The following PTPRG variants were observed in gnomAD, a reference collection of about 807,000 sequenced individuals.
PTPRG encodes the protein protein tyrosine phosphatase receptor type G.
PTPRG carries 102 observed loss-of-function variants against 165.3 expected under a neutral mutation model. That is an observed-to-expected ratio of 0.62 (90% CI 0.53 to 0.73). The LOEUF is 0.73. Ranked by LOEUF, PTPRG falls within the 30% of genes least tolerant of loss-of-function variation. The probability of loss-of-function intolerance (pLI) is 0.00; values close to 1 mark genes in which losing one functional copy is unlikely to be tolerated. For missense variants in PTPRG, 1,866 were observed against 1,861.4 expected, an observed-to-expected ratio of 1.00 and a Z score of -0.05; for synonymous variants, 675 against 669.5, an observed-to-expected ratio of 1.01 and a Z score of -0.13.
At chr3:61,802,268 C>T (rs2035273934) in intron 2 of PTPRG, among the ~76,000 whole-genome samples, 1 of 151,974 alleles carries the variant, frequency 6.6e-6, no homozygotes, top group East Asian at 1.9e-4. Context: ...TAAAAATCAC[C>T]AGTTCATGAT....
rs1474570485 is a variant in PTPRG, at chr3:62,217,714, C to T, written c.2156-1137C>T. 1 of 152,442 alleles carries T rather than the reference C, an allele frequency of 6.6e-6. No individual in the cohort carries two copies. Among genetic ancestry groups the T allele is most frequent in the Non-Finnish European group, 1.5e-5 (1 of 68,298 alleles). The allele number at this position is 152,442 out of a possible 1,614,324, so 9.4% of individuals were successfully genotyped here. ...TTGCCTCTGTGCACCTGTGCTCTTC[C>T]CAGCCCCAGCACCCCAACCAGGGCT... is the stretch of plus-strand genomic sequence containing the variant. On this transcript the variant is annotated intron_variant, in intron 12 of 29. Coordinates refer to ENST00000474889, the MANE Select transcript of PTPRG (RefSeq NM_002841.4). The surrounding 1 kb of genome is among the most constrained non-coding windows in gnomAD (Gnocchi z 4.3).
At chr3:61,995,667 C>G (rs2041017433) in intron 3 of PTPRG, among the ~76,000 whole-genome samples, 1 of 124,112 alleles carries the variant, frequency 8.1e-6, no homozygotes, top group East Asian at 2.2e-4. Flanking sequence ...AGGCTTTCCG[C>G]CTGCCTGCCC....
chr3:62,128,089 A>C (rs1703381843), intron 5 of PTPRG, among the ~76,000 whole-genome samples: 1 of 152,210 alleles, frequency 6.6e-6, no homozygotes, highest in South Asian at 2.1e-4. Context: ...ATCTAAAGAC[A>C]ACTGAAAAGC....
chr3:61,775,038 T>C (rs1208623333), intron 2 of PTPRG, among the ~76,000 whole-genome samples: 1 of 152,150 alleles, frequency 6.6e-6, no homozygotes, highest in African/African-American at 2.4e-5. Context: ...GACTCGTATG[T>C]GATGGTGTGT....
intron 2 of PTPRG, among the ~76,000 whole-genome samples, chr3:61,821,514 C>T (rs1040097521): frequency 5.9e-5 from 9 of 152,166 alleles, no homozygotes; most frequent in South Asian, 2.1e-4. Context: ...ACAGTTTTTA[C>T]ATTTCTTAAT....
At chr3:62,023,022 T>C (rs2041733157) in intron 4 of PTPRG, among the ~76,000 whole-genome samples, 1 of 152,054 alleles carries the variant, frequency 6.6e-6, no homozygotes, top group Admixed American at 6.6e-5. Flanking sequence ...ATTAAGAAAA[T>C]ACATCACCAA....
At chr3:61,799,875 T>A (rs2035180660) in intron 2 of PTPRG, among the ~76,000 whole-genome samples, 1 of 152,188 alleles carries the variant, frequency 6.6e-6, no homozygotes, top group Non-Finnish European at 1.5e-5. Flanking sequence ...TGTATTTATT[T>A]TATTGTTCAA....
chr3:61,807,944 C>A (rs17065421), intron 2 of PTPRG, among the ~76,000 whole-genome samples: 25,093 of 152,148 alleles, frequency 0.16, 2,748 homozygotes, highest in South Asian at 0.31. Flanking sequence ...CAAAGGCTCG[C>A]AGACCGGGGC....
At chr3:61,980,009 A>G (rs1347143044) in intron 2 of PTPRG, among the ~76,000 whole-genome samples, 2 of 151,852 alleles carry the variant, frequency 1.3e-5, no homozygotes, top group African/African-American at 4.8e-5. Flanking sequence ...CAAACTCCCA[A>G]ATTCTGTCTC....
chr3:62,058,040 G>A (rs1435237675), intron 4 of PTPRG, among the ~76,000 whole-genome samples: 5 of 152,206 alleles, frequency 3.3e-5, no homozygotes, highest in African/African-American at 1.2e-4. Context: ...ACAATGCTTT[G>A]AATAAAACTA....
chr3:62,276,087 G>A, intron 24 of PTPRG, 121 bp downstream of exon 24: 2 of 601,260 alleles, frequency 3.3e-6, no homozygotes, highest in South Asian at 6.9e-5. Context: ...GTGGCCGTAT[G>A]GTAGAAGGTT....
At position 62,195,120 on chromosome 3, in the gene PTPRG, T is replaced by C. The variant is rs1232394839; in HGVS notation, c.1277T>C (p.Val426Ala). 1 of 1,614,110 alleles carries C rather than the reference T, an allele frequency of 6.2e-7. No homozygotes were observed. Among genetic ancestry groups the C allele is most frequent in the African/African-American group, 1.3e-5 (1 of 74,950 alleles). Reference protein sequence around the residue: ...DSLYLFRVQAVCRNDMRSDFS... With the variant: ...DSLYLFRVQAACRNDMRSDFS... ...CTTTACCTGTTCCGAGTCCAGGCCG[T>C]GTGTCGGAACGACATGCGCAGCGAC... Residue 426 changes from valine to alanine, a missense_variant, in exon 10 of 30, where the codon GTG becomes GCG. By Grantham distance (64) the Val-to-Ala change is moderately conservative. Coordinates refer to ENST00000474889, the MANE Select transcript of PTPRG (RefSeq NM_002841.4). This position sits in a 1 kb window ranked among gnomAD's most constrained non-coding sequence, Gnocchi z 4.4.
chr3:62,086,814 G>A (rs777343368), intron 5 of PTPRG, among the ~76,000 whole-genome samples: 6 of 152,158 alleles, frequency 3.9e-5, no homozygotes, highest in Non-Finnish European at 5.9e-5. Context: ...TGCAGTTTTG[G>A]AATAGATTTG....
At chr3:61,954,682 A>G (rs1428225114) in intron 2 of PTPRG, among the ~76,000 whole-genome samples, 2 of 152,196 alleles carry the variant, frequency 1.3e-5, no homozygotes, top group Non-Finnish European at 2.9e-5. Flanking sequence ...GACACTTGTA[A>G]GATACTTCCC....
chr3:62,262,939 AT>A (rs761110885), intron 17 of PTPRG, 45 bp downstream of exon 17: 1 of 1,432,706 alleles, frequency 7.0e-7, no homozygotes, highest in Non-Finnish European at 9.8e-7. Flanking sequence ...AGGAAATTAA[AT>A]TTTCATGCTG....
At position 61,629,290 on chromosome 3, in the gene PTPRG, G is replaced by A. The variant is rs187821518; in HGVS notation, c.85+66918G>A. Among the ~76,000 whole-genome samples the A allele has an allele frequency of 2.0e-5, 3 of 152,212 alleles. No homozygotes were observed. In the East Asian group the frequency reaches 5.8e-4, roughly 30 times the overall value. ...CTGCCTCAGCCTCCTGAGTAGCTGG[G>A]ATTACAGGCACCCACCACCATGACC... On this transcript the variant is annotated intron_variant, in intron 1 of 29. Transcript: ENST00000474889.
At chr3:61,583,463 T>TGTA (rs1201841888) in intron 1 of PTPRG, among the ~76,000 whole-genome samples, 1 of 152,218 alleles carries the variant, frequency 6.6e-6, no homozygotes, top group Non-Finnish European at 1.5e-5. Flanking sequence ...TGGATGCGGA[T>TGTA]GTAAGTAAAG....
In PTPRG at chr3:61,687,108, T is replaced by C. The variant is rs564444919; in HGVS notation, c.86-61770T>C. ...CAGGTAGAGCTTACCAGTTAGACAA[T>C]ACCTACCCTGAAATGAAACCAAGTA... On this transcript the variant is annotated intron_variant, in intron 1 of 29. Transcript: ENST00000474889. Among the ~76,000 whole-genome samples the C allele has an allele frequency of 9.2e-5, 14 of 152,266 alleles. No homozygotes were observed. The East Asian group carries it at 2.7e-3, about 29-fold the overall frequency.
intron 1 of PTPRG, among the ~76,000 whole-genome samples, chr3:61,722,496 A>G (rs1011639317): frequency 2.6e-5 from 4 of 152,180 alleles, no homozygotes; most frequent in African/African-American, 9.6e-5. Context: ...AGCAGTCTGG[A>G]TAAGGGTGGG....
Sources: allele counts gnomAD v4.1 joint callset (sites outside exome capture counted in the v4.1 genomes callset), GRCh38; gene constraint gnomAD v4.1.1; non-coding constraint Gnocchi (gnomAD v3.1); transcripts MANE v1.5; gene names NCBI Gene and HGNC (gene_info 2026-07-23, HGNC 2026-07-21).